Variants in LATS2 observed in about 807,000 individuals in gnomAD.
LATS2 encodes the protein large tumor suppressor kinase 2, also known as serine/threonine-protein kinase LATS2.
LATS2 carries 24 observed loss-of-function variants against 76.0 expected under a neutral mutation model. The ratio of observed to expected loss-of-function variants is 0.32; its 90% CI spans 0.23 to 0.44. The LOEUF is 0.44. Among genes scored for constraint, LATS2 ranks in the 20% least tolerant of loss-of-function variants. The pLI, the probability that LATS2 is intolerant of heterozygous loss-of-function variation, is 1.00. For synonymous variants in LATS2, 692 were observed against 635.4 expected, an observed-to-expected ratio of 1.09 and a Z score of -1.34; for missense variants, 1,286 against 1,481.2, an observed-to-expected ratio of 0.87 and a Z score of 2.16.
intron 2 of LATS2, among the ~76,000 whole-genome samples, chr13:21,040,376 C>CA (rs141897751): frequency 0.13 from 13,584 of 108,482 alleles, 735 homozygotes; most frequent in African/African-American, 0.16. Flanking sequence ...GACCTTGTCT[C>CA]AAAAAAAAAA....
chr13:20,996,506 T>G (rs1870759808), intron 2 of LATS2, among the ~76,000 whole-genome samples: 1 of 151,698 alleles, frequency 6.6e-6, no homozygotes, highest in South Asian at 2.1e-4. Flanking sequence ...GCTTCCCGAA[T>G]AGCTGGGATT....
intron 1 of LATS2, among the ~76,000 whole-genome samples, chr13:21,054,974 C>T (rs1201405643): frequency 6.6e-6 from 1 of 151,016 alleles, no homozygotes; most frequent in Non-Finnish European, 1.5e-5. Context: ...CTGTCCCTGT[C>T]TTAAGTGAAT....
At chr13:21,007,545 GTATATATATATATATA>G (rs71090549) in intron 2 of LATS2, among the ~76,000 whole-genome samples, 67 of 3,610 alleles carry the variant, frequency 0.019, 6 homozygotes, top group South Asian at 0.026. Flanking sequence ...TATATATATA[GTATATATATATATATA>G]TATATATATA....
At position 20,989,315 on chromosome 13, in the gene LATS2, A is replaced by G; in HGVS notation, c.476-11T>C. 1 of 1,613,468 alleles carries G rather than the reference A, an allele frequency of 6.2e-7. No homozygotes were observed. The highest frequency in any genetic ancestry group is 8.5e-7 in the Non-Finnish European group (1 of 1,179,954). ...GCATGAGCCCCTTTCCTGCAGTGGA[A>G]AAAACAGGAAGACAGCATCAGAGTG... On this transcript the variant is annotated splice_polypyrimidine_tract_variant and intron_variant, in intron 3 of 7. Coordinates refer to ENST00000382592, the MANE Select transcript of LATS2 (RefSeq NM_014572.3).
chr13:20,986,882 CAAATACTATGTAT>C (rs1381630725), intron 4 of LATS2, among the ~76,000 whole-genome samples: 1 of 150,948 alleles, frequency 6.6e-6, no homozygotes, highest in African/African-American at 2.4e-5. Flanking sequence ...CACAAATCTA[CAAATACTATGTAT>C]AAATAAAAAA....
chr13:20,989,248 C>G lies in LATS2; in HGVS notation c.532G>C (p.Asp178His). The G allele has an allele frequency of 1.9e-6, 3 of 1,614,024 alleles. No homozygotes were observed. The highest frequency in any genetic ancestry group is 2.5e-6 in the Non-Finnish European group (3 of 1,180,032). ...AGCTGGTGGTAGGACGCAAACGAAT[C>G]GCCGGTTCCTTCGAAGCTGGGCCTC... ...TRRPSFEGTG[D>H]SFASYHQLSG... Residue 178 changes from aspartate (D) to histidine (H), a missense_variant, in exon 4 of 8, where the codon GAT becomes CAT. Physicochemically the swap from Asp to His is moderately conservative, Grantham distance 81. This residue lies in a region of LATS2 where 710 missense variants were observed against 660.9 expected (regional missense o/e 1.07). Coordinates refer to ENST00000382592, the MANE Select transcript of LATS2 (RefSeq NM_014572.3).
intron 2 of LATS2, among the ~76,000 whole-genome samples, chr13:20,992,803 G>A (rs187063723): frequency 3.2e-4 from 49 of 152,206 alleles, no homozygotes; most frequent in South Asian, 1.0e-3. Context: ...TTGGGAGGCC[G>A]AGGCAGGTGG....
intron 2 of LATS2, among the ~76,000 whole-genome samples, chr13:21,002,952 C>T (rs1474120376): frequency 6.6e-6 from 1 of 152,170 alleles, no homozygotes; most frequent in Admixed American, 6.5e-5. Context: ...ACCTCCCCAC[C>T]TCAGCTTCCC....
intron 4 of LATS2, among the ~76,000 whole-genome samples, chr13:20,986,489 G>A (rs374211521): frequency 1.3e-4 from 20 of 152,324 alleles, no homozygotes; most frequent in East Asian, 7.7e-4. Flanking sequence ...GGAACTGGAG[G>A]TCATTATGTT....
At position 21,061,550 on chromosome 13, in the gene LATS2, G is replaced by A. The variant is rs1873650803; in HGVS notation, c.-409C>T. The A allele has an allele frequency of 6.5e-6, 1 of 152,680 alleles. No homozygotes were observed. The highest frequency in any genetic ancestry group is 2.1e-4 in the South Asian group (1 of 4,842). 9.5% of individuals were successfully genotyped at this position (152,680 alleles called of 1,614,324 possible). On this transcript the variant is annotated 5_prime_UTR_variant, in exon 1 of 8. Coordinates refer to ENST00000382592, the MANE Select transcript of LATS2 (RefSeq NM_014572.3). ...GCGGTTCCAAAGCGCAGACCCAAGTGGGACATTCGCTACATTGTTGGCATT... is the reference window on the plus strand; with the variant it reads ...GCGGTTCCAAAGCGCAGACCCAAGTAGGACATTCGCTACATTGTTGGCATT...
intron 7 of LATS2, among the ~76,000 whole-genome samples, chr13:20,979,124 G>A (rs1036781930): frequency 4.6e-5 from 7 of 152,152 alleles, no homozygotes; most frequent in Admixed American, 2.6e-4. Flanking sequence ...AGCATTTTCT[G>A]TTCTCTAGCT....
chr13:21,060,801 G>C (rs563405985), intron 1 of LATS2, among the ~76,000 whole-genome samples: 10 of 151,512 alleles, frequency 6.6e-5, no homozygotes, highest in Non-Finnish European at 1.5e-4. Flanking sequence ...CCCGTGGGAC[G>C]ATGGCGCGGC....
intron 2 of LATS2, among the ~76,000 whole-genome samples, chr13:21,027,111 T>A (rs555313062): frequency 5.9e-4 from 90 of 152,338 alleles, no homozygotes; most frequent in African/African-American, 2.1e-3. Flanking sequence ...ATTCCAAATG[T>A]GAGTCCATTG....
chr13:20,991,173 T>TCTGGC lies in LATS2; in HGVS notation c.475+94_475+98dup. 2.1e-6 allele frequency: 3 copies of TCTGGC among 1,426,688 alleles called. No individual in the cohort carries two copies. Among genetic ancestry groups the TCTGGC allele is most frequent in the East Asian group, 4.6e-5 (2 of 43,886 alleles). 88.4% of individuals were successfully genotyped at this position (1,426,688 alleles called of 1,614,324 possible). A position where few individuals can be genotyped will look rare whatever the true frequency, so the allele number is the denominator to read the frequency against. On this transcript the variant is annotated intron_variant, in intron 3 of 7. Coordinates refer to ENST00000382592, the MANE Select transcript of LATS2 (RefSeq NM_014572.3). This position sits in a 1 kb window ranked among gnomAD's most constrained non-coding sequence, Gnocchi z 4.9. ...TGAGGCAATGTGCCAGGAGACTGGC[T>TCTGGC]CTGGCCAGGCCAGGCCAGGTTGGAC...
intron 1 of LATS2, among the ~76,000 whole-genome samples, chr13:21,057,462 A>G (rs1025232542): frequency 5.9e-5 from 9 of 152,230 alleles, no homozygotes; most frequent in Non-Finnish European, 1.3e-4. Context: ...TTAACATCAT[A>G]ACCAATGTCT....
intron 6 of LATS2, among the ~76,000 whole-genome samples, chr13:20,981,102 T>TAA (rs1248937595): frequency 2.6e-5 from 4 of 152,114 alleles, no homozygotes; most frequent in African/African-American, 9.7e-5. Context: ...AGACAGAAGT[T>TAA]AAAGCTAGAG....
intron 1 of LATS2, among the ~76,000 whole-genome samples, chr13:21,046,700 T>G (rs1189852843): frequency 6.6e-6 from 1 of 152,166 alleles, no homozygotes; most frequent in Non-Finnish European, 1.5e-5. Context: ...CTTCCATATC[T>G]TTAGAAAACT....
intron 1 of LATS2, among the ~76,000 whole-genome samples, chr13:21,058,596 T>C (rs188502406): frequency 2.3e-3 from 347 of 152,370 alleles, no homozygotes; most frequent in African/African-American, 7.7e-3. Flanking sequence ...ACACTTAAAC[T>C]ATTTCAAACT....
chr13:20,982,667 G>A (rs1441871847), intron 5 of LATS2, among the ~76,000 whole-genome samples: 1 of 151,920 alleles, frequency 6.6e-6, no homozygotes. Context: ...TCCCCACAAA[G>A]GCCCCGTGAC....
Sources: gnomAD v4.1 joint callset for allele counts (sites outside exome capture counted in the v4.1 genomes callset) on GRCh38, gnomAD v4.1.1 for gene constraint, gnomAD v4.1.1 regional missense constraint, Gnocchi (gnomAD v3.1) non-coding constraint, MANE v1.5 for transcripts, NCBI Gene and HGNC (gene_info 2026-07-23, HGNC 2026-07-21) for gene names.